The following PSPC1 variants were observed in gnomAD, a reference collection of about 807,000 sequenced individuals.
The protein encoded by PSPC1 is paraspeckle component 1.
A neutral mutation model predicts 51.6 loss-of-function variants in PSPC1; 14 were observed. The ratio of observed to expected loss-of-function variants is 0.27; its 90% CI spans 0.18 to 0.42. The LOEUF is 0.42. PSPC1 is among the 10% of genes least tolerant of loss of function. The pLI, the probability that PSPC1 is intolerant of heterozygous loss-of-function variation, is 1.00. For synonymous variants in PSPC1, 193 were observed against 231.9 expected (o/e 0.83, Z 1.53); for missense variants, 406 against 701.1 (o/e 0.58, Z 4.75).
intron 4 of PSPC1, among the ~76,000 whole-genome samples, chr13:19,744,148 C>G (rs1358878842): frequency 6.6e-6 from 1 of 151,428 alleles, no homozygotes; most frequent in Non-Finnish European, 1.5e-5. Context: ...TTTGTTTTTT[C>G]TCTCAGAGAC....
intron 1 of PSPC1, among the ~76,000 whole-genome samples, chr13:19,775,599 C>T (rs918577715): frequency 1.9e-4 from 29 of 152,308 alleles, no homozygotes; most frequent in South Asian, 1.2e-3. Flanking sequence ...GGGATAATTG[C>T]ATTCTAAACA....
At chr13:19,742,183 G>A (rs1885496833) in intron 4 of PSPC1, among the ~76,000 whole-genome samples, 1 of 150,580 alleles carries the variant, frequency 6.6e-6, no homozygotes, top group African/African-American at 2.4e-5. Context: ...CATCTTGGCT[G>A]GGCGCGGTGG....
At chr13:19,745,630 T>C (rs978681667) in intron 4 of PSPC1, among the ~76,000 whole-genome samples, 1 of 151,766 alleles carries the variant, frequency 6.6e-6, no homozygotes, top group Non-Finnish European at 1.5e-5. Flanking sequence ...TTTTTTTTTT[T>C]TTTTTTGAGA....
chr13:19,741,634 T>C lies in PSPC1; in HGVS notation c.983A>G (p.Gln328Arg). 1 of 1,599,090 alleles carries C rather than the reference T, an allele frequency of 6.3e-7. No homozygotes were observed. Among genetic ancestry groups the C allele is most frequent in the Non-Finnish European group, 8.5e-7 (1 of 1,170,864 alleles). Residue 328 changes from glutamine (Q) to arginine (R), a missense_variant, in exon 5 of 9, where the codon CAA (glutamine) becomes CGA (arginine). Physicochemically the swap from Gln to Arg is conservative, Grantham distance 43. Coordinates refer to ENST00000338910, the MANE Select transcript of PSPC1 (RefSeq NM_001354909.2). ...MLMRQDLMRR[Q>R]EELRRLEELR... ...TTCTTCCAAGCGTCTGAGTTCTTCT[T>C]GACGCCTCATTAGATCTATAAAATA... is the stretch of plus-strand genomic sequence containing the variant.
chr13:19,763,850 T>C (rs889265041), intron 2 of PSPC1, among the ~76,000 whole-genome samples: 2 of 151,874 alleles, frequency 1.3e-5, no homozygotes, highest in African/African-American at 4.8e-5. Flanking sequence ...ATACAAAAAA[T>C]TGGCCGGGCA....
chr13:19,693,982 G>A (rs1878872333), intron 6 of PSPC1, among the ~76,000 whole-genome samples: 1 of 151,792 alleles, frequency 6.6e-6, no homozygotes, highest in South Asian at 2.1e-4. Flanking sequence ...AATTAGCCGG[G>A]TGTGGTGGCG....
At chr13:19,760,031 T>C (rs1487969674) in intron 2 of PSPC1, among the ~76,000 whole-genome samples, 1 of 152,174 alleles carries the variant, frequency 6.6e-6, no homozygotes, top group Non-Finnish European at 1.5e-5. Context: ...CCATGTTTTA[T>C]ATGTGTGGTC....
rs201263692 is a variant in PSPC1 at position 19,782,671 on chromosome 13, G to T, written c.87C>A (p.Ser29Arg). The T allele has an allele frequency of 1.4e-4, 218 of 1,553,504 alleles. 2 individuals are homozygous for T. The highest frequency in any genetic ancestry group is 1.9e-4 in the Middle Eastern group (1 of 5,218). Residue 29 changes from serine (S) to arginine (R), a missense_variant, in exon 1 of 9, where the codon AGC becomes AGA. Physicochemically the swap from Ser to Arg is moderately radical, Grantham distance 110 (BLOSUM62 -1). Around this residue, in one of 5 missense-constraint regions of PSPC1, gnomAD observed 128 missense variants for 107.1 expected, o/e 1.20. Coordinates refer to ENST00000338910, the MANE Select transcript of PSPC1 (RefSeq NM_001354909.2). The surrounding 1 kb of genome is among the most constrained non-coding windows in gnomAD (Gnocchi z 4.5). ...LRALESAVGESEPAAAAAMAL... is the reference protein window; with the variant it reads ...LRALESAVGEREPAAAAAMAL... ...CCATGGCTGCCGCGGCCGCCGGCTC[G>T]CTCTCGCCCACCGCGGACTCCAGGG...
At chr13:19,698,026 T>A (rs1879451687), downstream of PSPC1, among the ~76,000 whole-genome samples, 1 of 152,084 alleles carries the variant, frequency 6.6e-6, no homozygotes, top group Non-Finnish European at 1.5e-5. Context: ...TATATTTACA[T>A]AATTCTTCTA....
rs1261053403 is a variant in PSPC1 at position 19,730,283 on chromosome 13, G to A, written c.1114C>T (p.Leu372=). ...TTAAAGCCCTCTTGCTGTCGCCTCAGTTCCTCCTGTTCTCTGTGTCGGATC... is the reference window on the plus strand; with the variant it reads ...TTAAAGCCCTCTTGCTGTCGCCTCAATTCCTCCTGTTCTCTGTGTCGGATC... ...EMIRHREQEE[L]RRQQEGFKPN... Residue 372 remains leucine, a synonymous_variant, in exon 6 of 9, where the codon CTG becomes TTG. Transcript: ENST00000338910. 1.2e-6 allele frequency: 2 copies of A among 1,614,012 alleles called. No homozygotes were observed. Among genetic ancestry groups the A allele is most frequent in the South Asian group, 2.2e-5 (2 of 91,064 alleles).
Position 19,730,266 on chromosome 13 carries a change from C to CTCT in PSPC1, c.1128_1130dup (p.Glu377dup). 2.5e-6 allele frequency: 4 copies of CTCT among 1,613,798 alleles called. No homozygotes were observed. Among genetic ancestry groups the CTCT allele is most frequent in the Non-Finnish European group, 2.5e-6 (3 of 1,179,906 alleles). The stretch of plus-strand genomic sequence containing the variant: ...TTTCCATGTAGTTTGGCTTAAAGCC[C>CTCT]TCTTGCTGTCGCCTCAGTTCCTCCT... On this transcript the variant is annotated inframe_insertion, in exon 6 of 9. Transcript: ENST00000338910.
At position 19,702,955 on chromosome 13, in the gene PSPC1, A is replaced by C. The variant is rs541950603; in HGVS notation, c.*220T>G. 2.4e-6 allele frequency: 1 copy of C among 420,246 alleles called. No individual in the cohort carries two copies. The highest frequency in any genetic ancestry group is 4.5e-6 in the Non-Finnish European group (1 of 223,642). 26.0% of individuals were successfully genotyped at this position (420,246 alleles called of 1,614,324 possible). A position where few individuals can be genotyped will look rare whatever the true frequency, so the allele number is the denominator to read the frequency against. On this transcript the variant is annotated 3_prime_UTR_variant, in exon 9 of 9. Transcript: ENST00000338910. Reference sequence around the variant, plus strand: ...AATACTTATATTTAGCTAAAGTCACAAACACATTTCAACATTCAAAATGAT... The same window carrying C: ...AATACTTATATTTAGCTAAAGTCACCAACACATTTCAACATTCAAAATGAT...
At chr13:19,764,147 T>C (rs1159231156) in intron 2 of PSPC1, among the ~76,000 whole-genome samples, 1 of 152,160 alleles carries the variant, frequency 6.6e-6, no homozygotes, top group Non-Finnish European at 1.5e-5. Flanking sequence ...TGAAAAAACT[T>C]AAATAGCAAG....
chr13:19,701,078 A>C, downstream of PSPC1, among the ~76,000 whole-genome samples: 1 of 152,252 alleles, frequency 6.6e-6, no homozygotes. Flanking sequence ...GCTGGGAAAA[A>C]GTTGTGTAGA....
intron 6 of PSPC1, among the ~76,000 whole-genome samples, chr13:19,716,757 C>A (rs1232836643): frequency 6.6e-6 from 1 of 151,538 alleles, no homozygotes; most frequent in East Asian, 1.9e-4. Context: ...AAATAAATTC[C>A]CTAAAAAAAA....
chr13:19,686,027 C>T (rs147221989), intron 6 of PSPC1, among the ~76,000 whole-genome samples: 2 of 152,238 alleles, frequency 1.3e-5, no homozygotes, highest in East Asian at 3.9e-4. Flanking sequence ...CTTTGCAGAC[C>T]AAGCCACCAT....
intron 6 of PSPC1, among the ~76,000 whole-genome samples, chr13:19,715,769 T>C (rs1047555251): frequency 3.9e-5 from 6 of 152,024 alleles, no homozygotes; most frequent in Admixed American, 3.9e-4. Flanking sequence ...ATCCCAGCAC[T>C]TTGGGAGGCT....
In PSPC1 at chr13:19,679,625, GTAT is replaced by G. The variant is rs557982166; in HGVS notation, c.1159-1805_1159-1803del. Among the ~76,000 whole-genome samples the G allele has an allele frequency of 5.9e-3, 900 of 152,260 alleles. 11 individuals carry two copies. The highest frequency in any genetic ancestry group is 0.02 in the African/African-American group (845 of 41,560). ...CTCCATAGCATTTACACTGTATGAG[GTAT>G]TATAAGCAACATATAATTTAAAGTA... On this transcript the variant is annotated intron_variant and NMD_transcript_variant, in intron 6 of 7. Coordinates refer to the PSPC1 transcript ENST00000471658.
intron 2 of PSPC1, 72 bp from the exon 3 acceptor site, chr13:19,759,490 T>G: frequency 9.7e-7 from 1 of 1,031,324 alleles, no homozygotes; most frequent in Non-Finnish European, 1.5e-6. Flanking sequence ...AAAGAAATGT[T>G]TTATAATAAT....
Sources: gnomAD v4.1 joint callset for allele counts (sites outside exome capture counted in the v4.1 genomes callset) on GRCh38, gnomAD v4.1.1 for gene constraint, gnomAD v4.1.1 regional missense constraint, Gnocchi (gnomAD v3.1) non-coding constraint, MANE v1.5 for transcripts, NCBI Gene and HGNC (gene_info 2026-07-23, HGNC 2026-07-21) for gene names.